Variants in NFATC1 observed in about 807,000 individuals in gnomAD.
NFATC1 encodes nuclear factor of activated T-cells, cytoplasmic 1.
NFATC1 carries 22 observed loss-of-function variants against 76.0 expected under a neutral mutation model. The ratio of observed to expected loss-of-function variants is 0.29; its 90% CI spans 0.21 to 0.41. The LOEUF (loss-of-function observed/expected upper bound fraction) is 0.41. Ranked by LOEUF, NFATC1 falls within the 10% of genes least tolerant of loss-of-function variation. NFATC1 has a pLI of 1.00. For missense variants in NFATC1, 1,357 were observed against 1,337.7 expected (o/e 1.01, Z -0.23); for synonymous variants, 704 against 613.1 (o/e 1.15, Z -2.19).
intron 9 of NFATC1, among the ~76,000 whole-genome samples, chr18:79,513,014 T>C (rs2090295084): frequency 6.6e-6 from 1 of 152,238 alleles, no homozygotes; most frequent in South Asian, 2.1e-4. Context: ...GCAGAGAATT[T>C]CGCTAGAGAC....
chr18:79,448,500 C>T (rs1372663479), intron 3 of NFATC1: 11 of 473,448 alleles, frequency 2.3e-5, no homozygotes, highest in Non-Finnish European at 3.8e-5. Context: ...CGCCCCCTGC[C>T]AGCTTCACTG....
intron 3 of NFATC1, among the ~76,000 whole-genome samples, chr18:79,442,393 A>G (rs2087015371): frequency 6.6e-6 from 1 of 152,166 alleles, no homozygotes; most frequent in Non-Finnish European, 1.5e-5. Context: ...CACGGGCGCC[A>G]TGTCTCCAAG....
chr18:79,494,926 C>T (rs1224756757), intron 9 of NFATC1, among the ~76,000 whole-genome samples: 3 of 149,852 alleles, frequency 2.0e-5, no homozygotes, highest in Non-Finnish European at 4.5e-5. Context: ...CGAGAGCGGG[C>T]ACACGCCCCC....
rs201990048 is a variant in NFATC1 at position 79,433,581 on chromosome 18, C to T, written c.1229C>T (p.Pro410Leu). 8.7e-6 allele frequency: 14 copies of T among 1,613,084 alleles called. No individual in the cohort carries two copies. Among genetic ancestry groups the T allele is most frequent in the Admixed American group, 3.3e-5 (2 of 60,022 alleles). The change falls in exon 3 of 10, where the codon CCG becomes CTG. Residue 410 changes from proline (P) to leucine (L), a missense_variant and splice_region_variant. Physicochemically the swap from Pro to Leu is moderately conservative, Grantham distance 98. This residue lies in a region of NFATC1 where 691 missense variants were observed against 613.1 expected (regional missense o/e 1.13). Transcript: ENST00000427363. ...KPLSPTSYMS[P>L]TLPALDWQLP... is the part of the protein sequence containing the mutation. ...TCCTCTGCTCTGTTCCCTTCCAGCCCGACCCTGCCCGCCCTGGACTGGCAG... is the reference window on the plus strand; with the variant it reads ...TCCTCTGCTCTGTTCCCTTCCAGCCTGACCCTGCCCGCCCTGGACTGGCAG...
intron 1 of NFATC1, among the ~76,000 whole-genome samples, chr18:79,405,408 A>G (rs1448131130): frequency 6.6e-6 from 1 of 152,250 alleles, no homozygotes; most frequent in Non-Finnish European, 1.5e-5. Flanking sequence ...CAAGCGCCTC[A>G]GAATCGTCAA....
chr18:79,409,835 G>A (rs2085597113), intron 1 of NFATC1, among the ~76,000 whole-genome samples: 1 of 152,228 alleles, frequency 6.6e-6, no homozygotes, highest in African/African-American at 2.4e-5. Flanking sequence ...TGGAACTTAG[G>A]TTTCTGTTTG....
At position 79,411,125 on chromosome 18, in the gene NFATC1, A is replaced by G; in HGVS notation, c.850A>G (p.Thr284Ala). The change falls in exon 2 of 10, where the codon ACG becomes GCG. Residue 284 changes from threonine to alanine, a missense_variant. By Grantham distance (58) the Thr-to-Ala change is moderately conservative. This residue lies in a region of NFATC1 where 691 missense variants were observed against 613.1 expected (regional missense o/e 1.13). Transcript: ENST00000427363. ...GCCCTACTCACCCCACCACTCGCCC[A>G]CGCCGTCCCCGCACGGCTCCCCGCG... is the stretch of plus-strand genomic sequence containing the variant. ...QPPYSPHHSP[T>A]PSPHGSPRVS... 1 of 1,611,938 alleles carries G rather than the reference A, an allele frequency of 6.2e-7. No homozygotes were observed. The highest frequency in any genetic ancestry group is 8.5e-7 in the Non-Finnish European group (1 of 1,179,672).
At chr18:79,436,249 A>C (rs868530499) in intron 3 of NFATC1, among the ~76,000 whole-genome samples, 1 of 152,202 alleles carries the variant, frequency 6.6e-6, no homozygotes, top group African/African-American at 2.4e-5. Flanking sequence ...GGGCGCGAGG[A>C]CGAGGCCGTG....
chr18:79,417,068 C>T (rs570969561), intron 2 of NFATC1, among the ~76,000 whole-genome samples: 18 of 152,174 alleles, frequency 1.2e-4, no homozygotes, highest in Admixed American at 1.2e-3. Flanking sequence ...GCAAGCCAGA[C>T]GGTCCCCAGG....
chr18:79,461,692 C>T (rs946437823), intron 7 of NFATC1, among the ~76,000 whole-genome samples: 13 of 152,198 alleles, frequency 8.5e-5, no homozygotes, highest in Admixed American at 8.5e-4. Context: ...CACGGACCCT[C>T]CCGCCCTTTG....
intron 8 of NFATC1, among the ~76,000 whole-genome samples, chr18:79,485,274 G>A (rs566543539): frequency 9.2e-5 from 14 of 152,226 alleles, no homozygotes; most frequent in Non-Finnish European, 1.6e-4. Context: ...CGTAGCATTC[G>A]CTCAGAGTGG....
Position 79,410,674 on chromosome 18 carries a change from C to G in NFATC1, c.399C>G (p.Asn133Lys). Residue 133 changes from asparagine to lysine, a missense_variant, in exon 2 of 10, where the codon AAC (asparagine) becomes AAG (lysine). Transcript: ENST00000427363. This position sits in a 1 kb window ranked among gnomAD's most constrained non-coding sequence, Gnocchi z 6.7. ...GCTTGGGCCTGTACCACAACAATAA[C>G]CAGTTTTTCCACGATGTGGAGGTGG... Reference protein sequence around the residue: ...TSCLGLYHNNNQFFHDVEVED... With the variant: ...TSCLGLYHNNKQFFHDVEVED... 1.2e-6 allele frequency: 2 copies of G among 1,613,146 alleles called. No homozygotes were observed. Among genetic ancestry groups the G allele is most frequent in the Non-Finnish European group, 8.5e-7 (1 of 1,180,030 alleles).
chr18:79,407,773 C>T (rs1470548487), intron 1 of NFATC1, among the ~76,000 whole-genome samples: 1 of 152,224 alleles, frequency 6.6e-6, no homozygotes, highest in South Asian at 2.1e-4. Context: ...CATTACTGTT[C>T]TCTCTCCGGT....
At chr18:79,488,122 C>A (rs951136085) in intron 9 of NFATC1, among the ~76,000 whole-genome samples, 4 of 152,210 alleles carry the variant, frequency 2.6e-5, no homozygotes, top group African/African-American at 9.6e-5. Context: ...AGTTTCCCAT[C>A]TGCTGGGAAG....
intron 1 of NFATC1, among the ~76,000 whole-genome samples, chr18:79,401,354 C>G (rs1049564099): frequency 1.3e-5 from 2 of 152,132 alleles, no homozygotes; most frequent in Admixed American, 6.5e-5. Context: ...TCACTACTCT[C>G]TTTTAAAAAC....
rs397858514 is a variant in NFATC1 at position 79,429,220 on chromosome 18, CAAA to C, written c.1227-4341_1227-4339del. Among the ~76,000 whole-genome samples the C allele has an allele frequency of 1.3e-3, 129 of 96,508 alleles. 2 individuals are homozygous for C. The highest frequency in any genetic ancestry group is 5.7e-3 in the Middle Eastern group (1 of 174). The allele number at this position is 96,508 out of a possible 152,430, so 63.3% of individuals were successfully genotyped here. Reference sequence around the variant, plus strand: ...TGGGCCACAGAGCGGGACTCCGTCTCAAAAAAAAAAAAAAAAAAAATGGAGAGA... The same window carrying C: ...TGGGCCACAGAGCGGGACTCCGTCTCAAAAAAAAAAAAAAAAATGGAGAGA... On this transcript the variant is annotated intron_variant, in intron 2 of 9. Coordinates refer to ENST00000427363, the MANE Select transcript of NFATC1 (RefSeq NM_001278669.2).
chr18:79,480,560 C>T (rs1387604298), intron 8 of NFATC1, among the ~76,000 whole-genome samples: 29 of 152,194 alleles, frequency 1.9e-4, no homozygotes, highest in Admixed American at 1.9e-3. Flanking sequence ...AGGACTTCCC[C>T]AGGAAGAATC....
intron 9 of NFATC1, chr18:79,493,459 G>A (rs4550524): frequency 0.076 from 11,501 of 152,302 alleles, 534 homozygotes; most frequent in Admixed American, 0.11. Flanking sequence ...TGTCCCCTGG[G>A]CCGCCGCACG....
At chr18:79,464,682 G>GTATA (rs749147876) in intron 7 of NFATC1, among the ~76,000 whole-genome samples, 3 of 100,790 alleles carry the variant, frequency 3.0e-5, no homozygotes, top group African/African-American at 4.6e-5. Flanking sequence ...ATATGTATGT[G>GTATA]TATATATATA....
Sources: allele counts gnomAD v4.1 joint callset (sites outside exome capture counted in the v4.1 genomes callset), GRCh38; gene constraint gnomAD v4.1.1; regional missense constraint gnomAD v4.1.1; non-coding constraint Gnocchi (gnomAD v3.1); transcripts MANE v1.5; gene names NCBI Gene and HGNC (gene_info 2026-07-23, HGNC 2026-07-21).